The following PHKA1 variants were observed in gnomAD, a reference collection of about 807,000 sequenced individuals.
The protein encoded by PHKA1 is phosphorylase b kinase regulatory subunit alpha, skeletal muscle isoform.
A neutral mutation model predicts 110.2 loss-of-function variants in PHKA1; 60 were observed. The observed-to-expected ratio is 0.54, with a 90% CI of 0.44 to 0.68. The LOEUF is 0.68. Among genes scored for constraint, PHKA1 ranks in the 30% least tolerant of loss-of-function variants. PHKA1 has a pLI of 0.00. For missense variants in PHKA1, 801 were observed against 942.5 expected (o/e 0.85, Z 1.97); for synonymous variants, 316 against 333.6 (o/e 0.95, Z 0.58).
At chrX:72,706,691 T>C (rs146311544) in intron 2 of PHKA1, among the ~76,000 whole-genome samples, 48 of 111,694 alleles carry the variant, frequency 4.3e-4, no homozygotes, top group Non-Finnish European at 7.9e-4. Context: ...TCAGCATTTA[T>C]ACTATTCTGT....
In PHKA1 at chrX:72,713,800, T is replaced by C. The variant is rs1458327777; in HGVS notation, c.78+3A>G. On this transcript the variant is annotated splice_donor_region_variant and intron_variant, in intron 1 of 31. Coordinates refer to ENST00000373542, the MANE Select transcript of PHKA1 (RefSeq NM_002637.4). The stretch of plus-strand genomic sequence containing the variant: ...TGATTACGAGAGACACCCCTGCAGT[T>C]ACCTGATGGCACAGGATGGTCTGTT... 3.4e-6 allele frequency: 4 copies of C among 1,192,326 alleles called. No individual in the cohort carries two copies. Among genetic ancestry groups the C allele is most frequent in the Admixed American group, 2.2e-5 (1 of 45,838 alleles).
chrX:72,667,029 T>C (rs2053622636), intron 7 of PHKA1, among the ~76,000 whole-genome samples: 1 of 112,350 alleles, frequency 8.9e-6, no homozygotes, highest in South Asian at 3.7e-4. Context: ...CTAACAAGAA[T>C]ACTACAAATC....
At chrX:72,601,911 TA>T in intron 28 of PHKA1, 79 bp downstream of exon 28, 1 of 709,655 alleles carries the variant, frequency 1.4e-6, no homozygotes, top group Non-Finnish European at 2.2e-6. Context: ...ATCTTATTTG[TA>T]AAAAGGCCAT....
chrX:72,615,908 G>A (rs1376354923), intron 21 of PHKA1, among the ~76,000 whole-genome samples: 2 of 111,863 alleles, frequency 1.8e-5, no homozygotes, highest in Non-Finnish European at 3.8e-5. Flanking sequence ...AAAAAGCAGA[G>A]TAGCTTAATG....
intron 5 of PHKA1, among the ~76,000 whole-genome samples, chrX:72,676,500 G>A (rs782083211): frequency 1.8e-5 from 2 of 111,949 alleles, no homozygotes; most frequent in South Asian, 7.6e-4. Context: ...CTAAATAGCA[G>A]CCCAATATTT....
At chrX:72,599,640 TC>T (rs2052632169) in intron 28 of PHKA1, among the ~76,000 whole-genome samples, 1 of 111,942 alleles carries the variant, frequency 8.9e-6, no homozygotes, top group Non-Finnish European at 1.9e-5. Context: ...TGAACTCCCT[TC>T]CCTATGTTAT....
intron 2 of PHKA1, among the ~76,000 whole-genome samples, chrX:72,707,241 C>G (rs1025463571): frequency 8.9e-6 from 1 of 111,794 alleles, no homozygotes; most frequent in Non-Finnish European, 1.9e-5. Context: ...TTTTGTAGAA[C>G]ATAAAGAAAA....
Position 72,593,126 on chromosome X carries a change from T to C in PHKA1, c.3221A>G (p.Lys1074Arg). 8.3e-7 allele frequency: 1 copy of C among 1,201,071 alleles called. No homozygotes were observed. Among genetic ancestry groups the C allele is most frequent in the Non-Finnish European group, 1.1e-6 (1 of 885,906 alleles). ...LNRVPVGFYQ[K>R]VWKVLQKCHG... ...CACCTTCTGCAAAACTTTCCATACT[T>C]TCTGATAAAATCCAACTGGAACTCT... The change falls in exon 29 of 32, where the codon AAA becomes AGA. Residue 1074 changes from lysine (K) to arginine (R), a missense_variant. Coordinates refer to ENST00000373542, the MANE Select transcript of PHKA1 (RefSeq NM_002637.4).
chrX:72,591,898 C>A (rs2052527037), intron 29 of PHKA1, among the ~76,000 whole-genome samples: 2 of 112,313 alleles, frequency 1.8e-5, no homozygotes, highest in African/African-American at 6.5e-5. Context: ...GAAATCAAGA[C>A]ATGCATTTAT....
At chrX:72,633,899 A>G (rs1556289870) in intron 16 of PHKA1, among the ~76,000 whole-genome samples, 2 of 111,755 alleles carry the variant, frequency 1.8e-5, no homozygotes, top group Non-Finnish European at 3.8e-5. Context: ...ACTCCACTCT[A>G]TTCAGGAGAA....
chrX:72,678,882 G>A (rs2069669023), intron 5 of PHKA1, among the ~76,000 whole-genome samples: 1 of 112,245 alleles, frequency 8.9e-6, no homozygotes, highest in Admixed American at 9.4e-5. Flanking sequence ...ACAGGAAGGA[G>A]AAAACTAAAC....
chrX:72,657,704 A>G, intron 8 of PHKA1, 63 bp from the exon 9 acceptor site: 8 of 912,110 alleles, frequency 8.8e-6, no homozygotes, highest in Non-Finnish European at 1.3e-5. Context: ...AATTAATCAG[A>G]AATACATCCT....
In PHKA1 at chrX:72,622,378, C is replaced by A. The variant is rs1194378221; in HGVS notation, c.1960+731G>T. On this transcript the variant is annotated intron_variant, in intron 18 of 31. Coordinates refer to ENST00000373542, the MANE Select transcript of PHKA1 (RefSeq NM_002637.4). ...ACAGGCTAACAGTCAAATACCCAGA[C>A]AATGAAAGCAGGCAAATCATATTTT... 1.5e-5 allele frequency: 11 copies of A among 752,336 alleles called. No homozygotes were observed. In the East Asian group the frequency reaches 1.1e-3, roughly 73 times the overall value. The allele number at this position is 752,336 out of a possible 1,213,427, so 62.0% of individuals were successfully genotyped here. A position where few individuals can be genotyped will look rare whatever the true frequency, so the allele number is the denominator to read the frequency against.
At chrX:72,621,139 G>T (rs1261348113) in intron 18 of PHKA1, among the ~76,000 whole-genome samples, 2 of 111,299 alleles carry the variant, frequency 1.8e-5, no homozygotes, top group African/African-American at 6.6e-5. Flanking sequence ...CTGAGACAAG[G>T]TCAGGGTTCT....
At chrX:72,591,339 A>C (rs1247965539) in intron 29 of PHKA1, among the ~76,000 whole-genome samples, 2 of 110,747 alleles carry the variant, frequency 1.8e-5, no homozygotes, top group African/African-American at 6.6e-5. Context: ...ACATGTTCTC[A>C]GTCATAGGTG....
At chrX:72,706,431 T>TC (rs1210267776) in intron 2 of PHKA1, among the ~76,000 whole-genome samples, 4 of 111,492 alleles carry the variant, frequency 3.6e-5, no homozygotes, top group Admixed American at 9.5e-5. Context: ...AATGAAAGAG[T>TC]CCATCTCTTT....
intron 29 of PHKA1, 108 bp downstream of exon 29, chrX:72,592,996 T>C (rs1270649916): frequency 9.0e-6 from 5 of 555,661 alleles, no homozygotes; most frequent in African/African-American, 2.2e-5. Context: ...ATCTGAGTTA[T>C]GACTTTTACA....
intron 22 of PHKA1, among the ~76,000 whole-genome samples, chrX:72,610,663 G>A (rs1556258917): frequency 9.0e-6 from 1 of 111,244 alleles, no homozygotes; most frequent in East Asian, 2.8e-4. Flanking sequence ...GGATCCCATG[G>A]TAGTTCTACT....
chrX:72,704,291 T>C (rs1287287216), intron 3 of PHKA1, among the ~76,000 whole-genome samples: 1 of 111,977 alleles, frequency 8.9e-6, no homozygotes, highest in African/African-American at 3.2e-5. Flanking sequence ...AAATTTTGCA[T>C]TAAAATTCAT....
Sources: gnomAD v4.1 joint callset for allele counts (sites outside exome capture counted in the v4.1 genomes callset) on GRCh38, gnomAD v4.1.1 for gene constraint, MANE v1.5 for transcripts, NCBI Gene and HGNC (gene_info 2026-07-23, HGNC 2026-07-21) for gene names.